DENND5B: variants seen among roughly 807,000 people sequenced by gnomAD.
DENND5B encodes the protein DENN domain-containing protein 5B.
A neutral mutation model predicts 140.6 loss-of-function variants in DENND5B; 34 were observed. That is an observed-to-expected ratio of 0.24 (90% CI 0.18 to 0.32). The LOEUF is 0.32. Among genes scored for constraint, DENND5B ranks in the 10% least tolerant of loss-of-function variants. The probability of loss-of-function intolerance (pLI) is 1.00; values close to 1 mark genes in which losing one functional copy is unlikely to be tolerated. For missense variants in DENND5B, 1,142 were observed against 1,560.2 expected (o/e 0.73, Z 4.52); for synonymous variants, 551 against 562.1 (o/e 0.98, Z 0.28).
intron 2 of DENND5B, among the ~76,000 whole-genome samples, chr12:31,486,827 T>C (rs563150138): frequency 6.6e-6 from 1 of 152,362 alleles, no homozygotes; most frequent in South Asian, 2.1e-4. Context: ...TTGCATGCCA[T>C]AAAATGTTAC....
At chr12:31,586,856 T>C (rs906146988) in intron 1 of DENND5B, among the ~76,000 whole-genome samples, 1 of 152,176 alleles carries the variant, frequency 6.6e-6, no homozygotes, top group African/African-American at 2.4e-5. Flanking sequence ...CAAGGCAAAA[T>C]AGAAACTTGA....
chr12:31,527,718 C>T (rs1948135771), intron 1 of DENND5B, among the ~76,000 whole-genome samples: 1 of 151,898 alleles, frequency 6.6e-6, no homozygotes, highest in African/African-American at 2.4e-5. Flanking sequence ...GTGGAGGTTG[C>T]AGTGAGCTGA....
At chr12:31,529,471 T>C (rs1948205728) in intron 1 of DENND5B, among the ~76,000 whole-genome samples, 1 of 152,110 alleles carries the variant, frequency 6.6e-6, no homozygotes, top group African/African-American at 2.4e-5. Context: ...TTAGAACCAA[T>C]ATTCCACTTA....
intron 1 of DENND5B, among the ~76,000 whole-genome samples, chr12:31,504,813 G>C (rs1947131199): frequency 6.6e-6 from 1 of 152,118 alleles, no homozygotes; most frequent in Non-Finnish European, 1.5e-5. Context: ...ATTAGTTCTT[G>C]CCAATGATAT....
At chr12:31,389,544 CATAT>C in intron 19 of DENND5B, 46 bp from the exon 20 acceptor site, 1 of 1,505,940 alleles carries the variant, frequency 6.6e-7, no homozygotes, top group Non-Finnish European at 9.0e-7. Context: ...GTCAACACTT[CATAT>C]ATAGAAAGAT....
intron 1 of DENND5B, among the ~76,000 whole-genome samples, chr12:31,555,962 T>C (rs28781892): frequency 0.017 from 2,636 of 152,248 alleles, 78 homozygotes; most frequent in African/African-American, 0.06. Context: ...TGTCACTGCT[T>C]TCTTTGACTA....
chr12:31,439,668 G>A (rs1001395497), intron 7 of DENND5B, among the ~76,000 whole-genome samples: 2 of 151,942 alleles, frequency 1.3e-5, no homozygotes, highest in African/African-American at 2.4e-5. Flanking sequence ...AGTGGCTCAC[G>A]CCTGTAATCC....
At chr12:31,590,492 G>T in intron 1 of DENND5B, 1 of 527,060 alleles carries the variant, frequency 1.9e-6, no homozygotes, top group Non-Finnish European at 3.0e-6. Context: ...GCGCCTGGAG[G>T]CGAAAGCCCC....
chr12:31,477,867 C>A, intron 3 of DENND5B: 1 of 224,700 alleles, frequency 4.5e-6, no homozygotes, highest in South Asian at 8.2e-5. Context: ...GAATCAAGCC[C>A]CTGAAGTTGC....
At chr12:31,490,055 T>C (rs898263212) in intron 2 of DENND5B, among the ~76,000 whole-genome samples, 1 of 152,006 alleles carries the variant, frequency 6.6e-6, no homozygotes, top group Non-Finnish European at 1.5e-5. Context: ...TGATTATATA[T>C]GGGAGAGGGT....
rs1432062140 is a variant in DENND5B at position 31,386,547 on chromosome 12, T to G, written c.*1056A>C. 1 of 152,202 alleles carries G rather than the reference T, an allele frequency of 6.6e-6. No individual in the cohort carries two copies. Among genetic ancestry groups the G allele is most frequent in the Non-Finnish European group, 1.5e-5 (1 of 68,042 alleles). The allele number at this position is 152,202 out of a possible 1,614,324, so 9.4% of individuals were successfully genotyped here. On this transcript the variant is annotated 3_prime_UTR_variant, in exon 21 of 21. Coordinates refer to ENST00000389082, the MANE Select transcript of DENND5B (RefSeq NM_144973.4). ...TCATTCTCTCTCTCCTTCTGTTATT[T>G]GCATTATCATGGTCAACAAATGCTT...
chr12:31,463,838 T>C (rs919127407), intron 3 of DENND5B, among the ~76,000 whole-genome samples: 2 of 152,106 alleles, frequency 1.3e-5, no homozygotes, highest in Non-Finnish European at 2.9e-5. Flanking sequence ...GCTAATTTTT[T>C]TGGATTTTTA....
rs1488658943 is a variant in DENND5B, at chr12:31,387,782, G to A, written c.3646C>T (p.Arg1216Cys). The A allele has an allele frequency of 2.5e-6, 4 of 1,612,774 alleles. No individual in the cohort carries two copies. The highest frequency in any genetic ancestry group is 3.4e-6 in the Non-Finnish European group (4 of 1,179,636). ...AATGGAATCCACTGTGGGAGCAGGC[G>A]ATCCCTACAGACCCAAACAGAAACA... ...QILVCLGTRDRLLPQWIPLLA... is the reference protein window; with the variant it reads ...QILVCLGTRDCLLPQWIPLLA... The change falls in exon 21 of 21, where the codon CGC becomes TGC. Residue 1216 changes from arginine to cysteine, a missense_variant. Physicochemically the swap from Arg to Cys is radical, Grantham distance 180. Transcript: ENST00000389082.
rs34647315 is a variant in DENND5B, at chr12:31,514,955, CA to C, written c.128-19037del. 2.3e-3 allele frequency among the ~76,000 whole-genome samples: 339 copies of C among 148,660 alleles called. 1 individual carries two copies. Among genetic ancestry groups the C allele is most frequent in the Non-Finnish European group, 3.9e-3 (261 of 66,952 alleles). ...CAACATATCAAGACCTTTTTCTCTA[CA>C]AAAAAAAAAATTTTTTTTTAATTAG... On this transcript the variant is annotated intron_variant, in intron 1 of 20. Transcript: ENST00000389082.
chr12:31,505,527 T>C (rs1022033615), intron 1 of DENND5B, among the ~76,000 whole-genome samples: 14 of 152,076 alleles, frequency 9.2e-5, no homozygotes, highest in Non-Finnish European at 1.5e-5. Context: ...TAAGCCACCA[T>C]GCCCAGGCCA....
chr12:31,528,928 G>A (rs1402327968), intron 1 of DENND5B, among the ~76,000 whole-genome samples: 1 of 151,822 alleles, frequency 6.6e-6, no homozygotes, highest in Non-Finnish European at 1.5e-5. Flanking sequence ...TTGGGAGGCC[G>A]AGGCAGGCGA....
chr12:31,533,231 G>A (rs898218023), intron 1 of DENND5B, among the ~76,000 whole-genome samples: 3 of 151,856 alleles, frequency 2.0e-5, no homozygotes, highest in Admixed American at 1.3e-4. Context: ...ATGACCAACT[G>A]TGGATTGAAA....
chr12:31,405,097 C>G (rs2568896), intron 14 of DENND5B, among the ~76,000 whole-genome samples: 140,968 of 152,044 alleles, frequency 0.93, 65,804 homozygotes, highest in East Asian at 0.99. Context: ...GTTGAGACAG[C>G]ATGTCACTAT....
intron 1 of DENND5B, among the ~76,000 whole-genome samples, chr12:31,536,447 G>C (rs918483295): frequency 1.3e-5 from 2 of 151,962 alleles, no homozygotes; most frequent in African/African-American, 4.8e-5. Flanking sequence ...GAATGCATCA[G>C]AGTTTTTTAA....
Sources: gnomAD v4.1 joint callset for allele counts (sites outside exome capture counted in the v4.1 genomes callset) on GRCh38, gnomAD v4.1.1 for gene constraint, MANE v1.5 for transcripts, NCBI Gene and HGNC (gene_info 2026-07-23, HGNC 2026-07-21) for gene names.